The following OPRM1 variants were observed in gnomAD, a reference collection of about 807,000 sequenced individuals.
OPRM1 encodes the protein mu-type opioid receptor.
In OPRM1, 27 loss-of-function variants were observed where a neutral mutation model predicts 31.8. The ratio of observed to expected loss-of-function variants is 0.85; its 90% CI spans 0.63 to 1.17. The LOEUF is 1.17. Ranked by LOEUF, OPRM1 falls within the 50% of genes most tolerant of loss-of-function variation. The probability of loss-of-function intolerance (pLI) is 0.00; values close to 1 mark genes in which losing one functional copy is unlikely to be tolerated. For synonymous variants in OPRM1, 196 were observed against 189.9 expected, an observed-to-expected ratio of 1.03 and a Z score of -0.26; for missense variants, 536 against 511.1, an observed-to-expected ratio of 1.05 and a Z score of -0.47.
At position 154,120,827 on chromosome 6, in the gene OPRM1, A is replaced by G. The variant is rs1219594126; in HGVS notation, c.*2106A>G. Among the ~76,000 whole-genome samples the G allele has an allele frequency of 6.6e-6, 1 of 152,194 alleles. No individual in the cohort carries two copies. Among genetic ancestry groups the G allele is most frequent in the East Asian group, 1.9e-4 (1 of 5,198 alleles). ...CATGTTGAGAGCAACTTTGTCTTCA[A>G]GTAGGACCTGATCTATCTTTTTCCA... On this transcript the variant is annotated 3_prime_UTR_variant, in exon 4 of 4. Coordinates refer to ENST00000330432, the MANE Select transcript of OPRM1 (RefSeq NM_000914.5).
intron 1 of OPRM1, among the ~76,000 whole-genome samples, chr6:154,081,694 G>A (rs1385373370): frequency 6.6e-6 from 1 of 152,150 alleles, no homozygotes; most frequent in Non-Finnish European, 1.5e-5. Context: ...CTACTTCGAC[G>A]TGGTCAGAGA....
At chr6:154,041,542 A>G (rs1209774804) in intron 1 of OPRM1, among the ~76,000 whole-genome samples, 2 of 152,202 alleles carry the variant, frequency 1.3e-5, no homozygotes, top group African/African-American at 4.8e-5. Context: ...TGCTAAGTAA[A>G]TAAACTGAGG....
intron 1 of OPRM1, among the ~76,000 whole-genome samples, chr6:154,056,414 G>A (rs1021284443): frequency 4.0e-5 from 6 of 151,732 alleles, no homozygotes; most frequent in African/African-American, 9.7e-5. Flanking sequence ...GAGCCAACGC[G>A]CCCGGCCTGA....
chr6:154,124,785 A>G lies in OPRM1; in HGVS notation c.*6064A>G, dbSNP rs1453476174. ...AGTAGAAATGATAAAGGGCAAGGAA[A>G]AAAGATGAAAGCTTACTCATATTAA... On this transcript the variant is annotated 3_prime_UTR_variant, in exon 4 of 4. Transcript: ENST00000330432. 6.6e-6 allele frequency among the ~76,000 whole-genome samples: 1 copy of G among 152,220 alleles called. No individual in the cohort carries two copies. The highest frequency in any genetic ancestry group is 1.9e-4 in the East Asian group (1 of 5,204).
At chr6:154,114,198 G>T (rs1167573235) in intron 3 of OPRM1, among the ~76,000 whole-genome samples, 1 of 152,152 alleles carries the variant, frequency 6.6e-6, no homozygotes, top group Non-Finnish European at 1.5e-5. Flanking sequence ...CCAATTAAGT[G>T]CCAGGCTTCC....
chr6:154,241,192 C>T lies in OPRM1; in HGVS notation c.1165-5501C>T, dbSNP rs374202999. Among the ~76,000 whole-genome samples, 7 of 146,676 alleles carry T rather than the reference C, an allele frequency of 4.8e-5. No individual in the cohort carries two copies. In the South Asian group the frequency reaches 1.1e-3, roughly 23 times the overall value. On this transcript the variant is annotated intron_variant, in intron 3 of 3. Coordinates refer to the OPRM1 transcript ENST00000337049. The stretch of plus-strand genomic sequence containing the variant: ...CGGAGGTTGCAGTGAGCCGAGATCG[C>T]GCCACTGCACTTCAGCCTAGCAACA...
At chr6:154,010,776 C>A in exon 1 of OPRM1, 1 of 1,413,374 alleles carries the variant, frequency 7.1e-7, no homozygotes, top group Admixed American at 2.9e-5. Context: ...AGAATTCGGT[C>A]AAGTGGATGT....
intron 1 of OPRM1, among the ~76,000 whole-genome samples, chr6:154,080,749 A>G (rs1240034904): frequency 6.6e-6 from 1 of 152,156 alleles, no homozygotes; most frequent in South Asian, 2.1e-4. Context: ...GACATTTCCA[A>G]TGGCTTAATG....
intron 1 of OPRM1, among the ~76,000 whole-genome samples, chr6:154,059,098 T>C (rs964562261): frequency 6.6e-6 from 1 of 152,200 alleles, no homozygotes; most frequent in Non-Finnish European, 1.5e-5. Context: ...TATCTTACTT[T>C]CCAGAATTGT....
rs1791662716 is a variant in OPRM1 at position 154,089,969 on chromosome 6, T to G, written c.434T>G (p.Val145Gly). The change falls in exon 2 of 4, where the codon GTG becomes GGG. Residue 145 changes from valine to glycine, a missense_variant. Physicochemically the swap from Val to Gly is moderately radical, Grantham distance 109. Coordinates refer to ENST00000330432, the MANE Select transcript of OPRM1 (RefSeq NM_000914.5). ...TTTGGAACCATCCTTTGCAAGATAG[T>G]GATCTCCATAGATTACTATAACATG... ...WPFGTILCKI[V>G]ISIDYYNMFT... The G allele has an allele frequency of 6.2e-7, 1 of 1,614,126 alleles. No homozygotes were observed. Among genetic ancestry groups the G allele is most frequent in the Non-Finnish European group, 8.5e-7 (1 of 1,179,942 alleles).
downstream of OPRM1, among the ~76,000 whole-genome samples, chr6:154,134,822 C>A (rs550120896): frequency 7.8e-4 from 119 of 151,786 alleles, no homozygotes; most frequent in Non-Finnish European, 1.4e-3. Context: ...TCCTAAAAAA[C>A]CACTATTTGA....
intron 1 of OPRM1, among the ~76,000 whole-genome samples, chr6:154,058,178 T>C (rs565943947): frequency 6.6e-6 from 1 of 152,320 alleles, no homozygotes; most frequent in East Asian, 1.9e-4. Flanking sequence ...TAACATGCTT[T>C]CTACACACCC....
chr6:154,211,144 C>T (rs9397696), intron 3 of OPRM1, among the ~76,000 whole-genome samples: 33,751 of 152,010 alleles, frequency 0.22, 3,928 homozygotes, highest in African/African-American at 0.3. Flanking sequence ...TGGCTGGGTG[C>T]GGTGGCTCAC....
In OPRM1 at chr6:154,126,322, T is replaced by C. The variant is rs1797585445; in HGVS notation, c.*7601T>C. 6.6e-6 allele frequency among the ~76,000 whole-genome samples: 1 copy of C among 152,222 alleles called. No homozygotes were observed. The highest frequency in any genetic ancestry group is 2.4e-5 in the African/African-American group (1 of 41,452). On this transcript the variant is annotated 3_prime_UTR_variant, in exon 4 of 4. Coordinates refer to ENST00000330432, the MANE Select transcript of OPRM1 (RefSeq NM_000914.5). ...TTAAGCACAGCAAAACTGCTTTAAT[T>C]AACAAGACCAGAGAGAAGGGAGAGG...
intron 3 of OPRM1, chr6:154,107,405 G>A (rs1795732977): frequency 1.4e-6 from 1 of 714,360 alleles, no homozygotes; most frequent in Non-Finnish European, 2.6e-6. Context: ...ACAGTCCGCA[G>A]AGGAGAAGAG....
At chr6:154,149,703 T>C (rs568179345) in intron 3 of OPRM1, among the ~76,000 whole-genome samples, 1 of 152,190 alleles carries the variant, frequency 6.6e-6, no homozygotes, top group African/African-American at 2.4e-5. Context: ...ATTCTATTAT[T>C]CTATTAGCAA....
intron 3 of OPRM1, chr6:154,091,807 A>G: frequency 3.9e-6 from 4 of 1,031,162 alleles, no homozygotes; most frequent in Non-Finnish European, 4.7e-6. Flanking sequence ...CATTTTCCCC[A>G]GAATTATTAT....
intron 1 of OPRM1, among the ~76,000 whole-genome samples, chr6:154,081,419 T>C (rs1789106485): frequency 6.6e-6 from 1 of 152,058 alleles, no homozygotes; most frequent in Admixed American, 6.5e-5. Flanking sequence ...GGCAGGAGAA[T>C]GGCGTGAACC....
rs1800908282 is a variant in OPRM1 at position 154,181,881 on chromosome 6, A to G, written c.1165-64812A>G. 2.0e-5 allele frequency among the ~76,000 whole-genome samples: 3 copies of G among 152,158 alleles called. No individual in the cohort carries two copies. In the South Asian group the frequency reaches 6.2e-4, roughly 32 times the overall value. ...AAAGCAGAAGGTAATAATCATAAATACATGTGTACAAGACTGCAGCCATGT... is the reference window on the plus strand; with the variant it reads ...AAAGCAGAAGGTAATAATCATAAATGCATGTGTACAAGACTGCAGCCATGT... On this transcript the variant is annotated intron_variant, in intron 3 of 3. Coordinates refer to the OPRM1 transcript ENST00000337049.
Sources: gnomAD v4.1 joint callset for allele counts (sites outside exome capture counted in the v4.1 genomes callset) on GRCh38, gnomAD v4.1.1 for gene constraint, MANE v1.5 for transcripts, NCBI Gene and HGNC (gene_info 2026-07-23, HGNC 2026-07-21) for gene names.